Variants in NSD2 observed in about 807,000 individuals in gnomAD.
NSD2 encodes histone-lysine N-methyltransferase NSD2.
In NSD2, 12 loss-of-function variants were observed where a neutral mutation model predicts 139.0. The ratio of observed to expected loss-of-function variants is 0.09; its 90% CI spans 0.06 to 0.14. The LOEUF (loss-of-function observed/expected upper bound fraction) is 0.14. NSD2 is among the 10% of genes least tolerant of loss of function. The pLI is 1.00. For missense variants in NSD2, 1,155 were observed against 1,745.0 expected (o/e 0.66, Z 6.02); for synonymous variants, 669 against 648.7 (o/e 1.03, Z -0.48).
At position 1,976,233 on chromosome 4, in the gene NSD2, C is replaced by T. The variant is rs1050148250; in HGVS notation, c.3622-242C>T. The T allele has an allele frequency of 1.5e-5, 8 of 526,788 alleles. No individual in the cohort carries two copies. Among genetic ancestry groups the T allele is most frequent in the East Asian group, 3.3e-5 (1 of 30,246 alleles). The allele number at this position is 526,788 out of a possible 1,614,324, so 32.6% of individuals were successfully genotyped here. On this transcript the variant is annotated intron_variant, in intron 20 of 21. Coordinates refer to ENST00000508803, the MANE Select transcript of NSD2 (RefSeq NM_001042424.3). This position sits in a 1 kb window ranked among gnomAD's most constrained non-coding sequence, Gnocchi z 5.3. ...TGTCTGCTGAGATGCTGCTGAGATG[C>T]GTCATTGCAGGCTTCCGACAAAGCT... is the stretch of plus-strand genomic sequence containing the variant.
rs543243032 is a variant in NSD2, at chr4:1,879,825, TGTGTGTG to T, written c.-30+8284_-30+8290del. 2.1e-3 allele frequency among the ~76,000 whole-genome samples: 179 copies of T among 85,374 alleles called. 1 individual carries two copies. Among genetic ancestry groups the T allele is most frequent in the African/African-American group, 0.014 (169 of 12,194 alleles). 56.0% of individuals were successfully genotyped at this position (85,374 alleles called of 152,430 possible). A position where few individuals can be genotyped will look rare whatever the true frequency, so the allele number is the denominator to read the frequency against. ...TTGCAGACCCTGGGCCCATGGCACTTGTGTGTGTGTGTGTGTGTGTGTGTGTGTGTGT... is the reference window on the plus strand; with the variant it reads ...TTGCAGACCCTGGGCCCATGGCACTTTGTGTGTGTGTGTGTGTGTGTGTGT... On this transcript the variant is annotated intron_variant, in intron 1 of 21. Coordinates refer to ENST00000508803, the MANE Select transcript of NSD2 (RefSeq NM_001042424.3).
In NSD2 at chr4:1,942,924, A is replaced by G. The variant is rs950120683; in HGVS notation, c.1881+3146A>G. ...AAGAGGCAGGAAGAGTTTTGATTCT[A>G]TCCTTTTTTACTAAACAGTTTTATT... is the stretch of plus-strand genomic sequence containing the variant. On this transcript the variant is annotated intron_variant, in intron 9 of 21. Transcript: ENST00000508803. The surrounding 1 kb of genome is among the most constrained non-coding windows in gnomAD (Gnocchi z 4.0). 3.8e-6 allele frequency: 4 copies of G among 1,056,016 alleles called. No homozygotes were observed. In the African/African-American group the frequency reaches 5.0e-5, roughly 13 times the overall value. 65.4% of individuals were successfully genotyped at this position (1,056,016 alleles called of 1,614,324 possible).
chr4:1,901,723 C>G (rs1376452372), intron 2 of NSD2, among the ~76,000 whole-genome samples: 4 of 152,182 alleles, frequency 2.6e-5, no homozygotes, highest in African/African-American at 9.7e-5. Flanking sequence ...GAGGTGCTCC[C>G]GCTGTCCTTA....
intron 9 of NSD2, chr4:1,947,376 G>C (rs145196171): frequency 0.019 from 20,286 of 1,061,636 alleles, 209 homozygotes; most frequent in Non-Finnish European, 0.021. Flanking sequence ...ACAAAAGCCT[G>C]TGCAGGTTAG....
chr4:1,950,497 G>A (rs1201973074), intron 9 of NSD2, among the ~76,000 whole-genome samples: 2 of 152,144 alleles, frequency 1.3e-5, no homozygotes, highest in Admixed American at 6.5e-5. Flanking sequence ...GAAACCGAAC[G>A]GTCAGCCTGT....
chr4:1,974,580 T>C lies in NSD2; in HGVS notation c.3373-283T>C, dbSNP rs1726860269. The C allele has an allele frequency of 1.8e-6, 1 of 547,358 alleles. No homozygotes were observed. Among genetic ancestry groups the C allele is most frequent in the Non-Finnish European group, 3.4e-6 (1 of 291,438 alleles). 33.9% of individuals were successfully genotyped at this position (547,358 alleles called of 1,614,324 possible). A position where few individuals can be genotyped will look rare whatever the true frequency, so the allele number is the denominator to read the frequency against. ...GCTGTTGCTGCTGACCTTAGCTCCC[T>C]TGTTTGCCATCATGGAGGATGCTGG... On this transcript the variant is annotated intron_variant, in intron 18 of 21. Coordinates refer to ENST00000508803, the MANE Select transcript of NSD2 (RefSeq NM_001042424.3). This position sits in a 1 kb window ranked among gnomAD's most constrained non-coding sequence, Gnocchi z 4.0.
chr4:1,936,241 T>C (rs1010679970), intron 7 of NSD2, among the ~76,000 whole-genome samples: 1 of 152,238 alleles, frequency 6.6e-6, no homozygotes, highest in Non-Finnish European at 1.5e-5. Context: ...TGCCCATGCA[T>C]GTAGAAGACG....
intron 1 of NSD2, among the ~76,000 whole-genome samples, chr4:1,888,809 A>T (rs1715313206): frequency 6.6e-6 from 1 of 151,658 alleles, no homozygotes; most frequent in Admixed American, 6.6e-5. Context: ...CAAGTGATCC[A>T]CCGGCCTCGG....
At position 1,883,452 on chromosome 4, in the gene NSD2, C is replaced by T. The variant is rs188686813; in HGVS notation, c.-30+11910C>T. ...TTCAAGACCAGCCTGGCCAACATGG[C>T]GAAACCCTGTCTCTACTAAAAATAC... On this transcript the variant is annotated intron_variant, in intron 1 of 21. Transcript: ENST00000508803. 2.5e-3 allele frequency among the ~76,000 whole-genome samples: 381 copies of T among 151,868 alleles called. 8 individuals are homozygous for T. The highest frequency in any genetic ancestry group is 4.6e-3 in the South Asian group (22 of 4,806).
At chr4:1,894,902 T>C (rs1007329995) in intron 1 of NSD2, among the ~76,000 whole-genome samples, 2 of 152,200 alleles carry the variant, frequency 1.3e-5, no homozygotes, top group African/African-American at 4.8e-5. Flanking sequence ...CTTTTTCATC[T>C]TCTCAAACTG....
rs1052656814 is a variant in NSD2, at chr4:1,951,495, C to G, written c.2013+292C>G. Reference sequence around the variant, plus strand: ...ACACACACACACACACACACACACACACACACACACACACACACACACACA... The same window carrying G: ...ACACACACACACACACACACACACAGACACACACACACACACACACACACA... On this transcript the variant is annotated intron_variant, in intron 10 of 21. Transcript: ENST00000508803. Among the ~76,000 whole-genome samples, 103 of 136,642 alleles carry G rather than the reference C, an allele frequency of 7.5e-4. 2 individuals are homozygous for G. Among genetic ancestry groups the G allele is most frequent in the African/African-American group, 2.8e-3 (96 of 34,078 alleles). 89.6% of individuals were successfully genotyped at this position (136,642 alleles called of 152,430 possible).
At chr4:1,960,404 A>G (rs1725248187) in intron 17 of NSD2, among the ~76,000 whole-genome samples, 1 of 152,200 alleles carries the variant, frequency 6.6e-6, no homozygotes, top group African/African-American at 2.4e-5. Flanking sequence ...GGCACAGTCT[A>G]GGACCAAGTC....
intron 9 of NSD2, chr4:1,946,641 T>A (rs1723666923): frequency 9.7e-7 from 1 of 1,034,458 alleles, no homozygotes; most frequent in Non-Finnish European, 1.2e-6. Context: ...TTGGTTTTGA[T>A]CCCTTTGGGT....
In NSD2 at chr4:1,900,755, A is replaced by T; in HGVS notation, c.101A>T (p.Lys34Met). Residue 34 changes from lysine to methionine, a missense_variant, in exon 2 of 22, where the codon AAG becomes ATG. Physicochemically the swap from Lys to Met is moderately conservative, Grantham distance 95. This residue lies in a region of NSD2 where 246 missense variants were observed against 262.8 expected (regional missense o/e 0.94). Transcript: ENST00000508803. ...APEILGSANGKTPSCEVNREC... is the reference protein window; with the variant it reads ...APEILGSANGMTPSCEVNREC... Reference sequence around the variant, plus strand: ...GAAATCCTCGGCAGTGCCAACGGGAAGACTCCGAGCTGCGAGGTGAACCGC... The same window carrying T: ...GAAATCCTCGGCAGTGCCAACGGGATGACTCCGAGCTGCGAGGTGAACCGC... 1 of 1,614,180 alleles carries T rather than the reference A, an allele frequency of 6.2e-7. No individual in the cohort carries two copies. Among genetic ancestry groups the T allele is most frequent in the Non-Finnish European group, 8.5e-7 (1 of 1,180,030 alleles).
chr4:1,976,449 G>T lies in NSD2; in HGVS notation c.3622-26G>T, dbSNP rs1727088050. 6.2e-7 allele frequency: 1 copy of T among 1,607,040 alleles called. No individual in the cohort carries two copies. Among genetic ancestry groups the T allele is most frequent in the Non-Finnish European group, 8.5e-7 (1 of 1,176,836 alleles). Reference sequence around the variant, plus strand: ...TTCAGCCTGTGTAATTCTTTCCGGTGATCTGTGCTTAATTCTTGACTCTAG... The same window carrying T: ...TTCAGCCTGTGTAATTCTTTCCGGTTATCTGTGCTTAATTCTTGACTCTAG... On this transcript the variant is annotated intron_variant, in intron 20 of 21. Transcript: ENST00000508803. The surrounding 1 kb of genome is among the most constrained non-coding windows in gnomAD (Gnocchi z 5.3).
chr4:1,886,204 CT>C (rs1162557950), intron 1 of NSD2, among the ~76,000 whole-genome samples: 3 of 152,006 alleles, frequency 2.0e-5, no homozygotes, highest in African/African-American at 7.3e-5. Flanking sequence ...CAGCTGTTTC[CT>C]TTTTTTCTTT....
chr4:1,948,900 C>T lies in NSD2; in HGVS notation c.1882-2172C>T, dbSNP rs373272646. The T allele has an allele frequency of 1.3e-6, 1 of 776,134 alleles. No homozygotes were observed. The highest frequency in any genetic ancestry group is 1.9e-5 in the African/African-American group (1 of 53,292). 48.1% of individuals were successfully genotyped at this position (776,134 alleles called of 1,614,324 possible). On this transcript the variant is annotated intron_variant, in intron 9 of 21. Transcript: ENST00000508803. This position sits in a 1 kb window ranked among gnomAD's most constrained non-coding sequence, Gnocchi z 4.5. ...TTAAAGCTTTTTAAGTTTGTTCCAC[C>T]ACGTTAAGGGAAGAGCATGGGTTGG... is the stretch of plus-strand genomic sequence containing the variant.
chr4:1,891,204 T>A (rs1560566576), intron 1 of NSD2, among the ~76,000 whole-genome samples: 1 of 152,198 alleles, frequency 6.6e-6, no homozygotes, highest in Non-Finnish European at 1.5e-5. Flanking sequence ...TACGTGGAAT[T>A]GTTTTATATG....
intron 9 of NSD2, chr4:1,946,550 T>C (rs1352932126): frequency 9.8e-7 from 1 of 1,016,486 alleles, no homozygotes; most frequent in Non-Finnish European, 1.2e-6. Context: ...ATTACAGGCG[T>C]AAGCCACTGC....
Sources: gnomAD v4.1 joint callset for allele counts (sites outside exome capture counted in the v4.1 genomes callset) on GRCh38, gnomAD v4.1.1 for gene constraint, gnomAD v4.1.1 regional missense constraint, Gnocchi (gnomAD v3.1) non-coding constraint, MANE v1.5 for transcripts, NCBI Gene and HGNC (gene_info 2026-07-23, HGNC 2026-07-21) for gene names.